KLK10: variants seen among roughly 807,000 people sequenced by gnomAD.
The protein encoded by KLK10 is kallikrein-10.
Under a neutral mutation model 25.7 loss-of-function variants are expected in KLK10, and 27 were observed. That is an observed-to-expected ratio of 1.05 (90% CI 0.77 to 1.45). The LOEUF (loss-of-function observed/expected upper bound fraction) is 1.45. Among genes scored for constraint, KLK10 ranks in the 40% most tolerant of loss-of-function variants. KLK10 has a pLI of 0.00. For missense variants in KLK10, 386 were observed against 370.0 expected (o/e 1.04, Z -0.35); for synonymous variants, 173 against 160.1 (o/e 1.08, Z -0.61).
Position 51,016,036 on chromosome 19 carries a change from T to G in KLK10, c.390A>C (p.Pro130=). Residue 130 remains proline (P), a synonymous_variant, in exon 4 of 6, where the codon CCA becomes CCC. Transcript: ENST00000358789. ...TGAGATCGTGCTCATCCGTTCGCCT[T>G]GGCAGGATGGGGCCTGAGCCCTGGT... ...KYHQGSGPIL[P]RRTDEHDLML... is the part of the protein sequence containing the mutation. The G allele has an allele frequency of 6.4e-7, 1 of 1,566,958 alleles. No homozygotes were observed. Among genetic ancestry groups the G allele is most frequent in the African/African-American group, 1.4e-5 (1 of 73,830 alleles).
chr19:51,014,994 G>C, intron 5 of KLK10, 42 bp from the exon 6 acceptor site: 1 of 1,581,560 alleles, frequency 6.3e-7, no homozygotes, highest in South Asian at 1.1e-5. Context: ...ATGTGCCAAC[G>C]TGAGAGCTGT....
intron 2 of KLK10, 50 bp downstream of exon 2, chr19:51,018,993 G>T (rs779605540): frequency 2.9e-5 from 39 of 1,324,778 alleles, no homozygotes; most frequent in Non-Finnish European, 3.3e-5. Flanking sequence ...TTCTCCTCCC[G>T]CCCGTGCCTC....
chr19:51,016,468 A>G (rs926346769), intron 3 of KLK10, among the ~76,000 whole-genome samples: 3 of 151,318 alleles, frequency 2.0e-5, no homozygotes, highest in Admixed American at 6.6e-5. Flanking sequence ...ATCTCGGCTC[A>G]CTGCAACCTC....
chr19:51,014,601 C>T lies in KLK10; in HGVS notation c.*199G>A. On this transcript the variant is annotated 3_prime_UTR_variant, in exon 6 of 6. Transcript: ENST00000358789. ...CACTTCCTGCATTTCAGCTTCAGTA[C>T]AGGCAGAGAATGGGGATAGGTGGGG... The T allele has an allele frequency of 2.0e-6, 1 of 498,410 alleles. No homozygotes were observed. The highest frequency in any genetic ancestry group is 3.6e-6 in the Non-Finnish European group (1 of 280,848). 30.9% of individuals were successfully genotyped at this position (498,410 alleles called of 1,614,324 possible).
At chr19:51,015,768 C>G (rs2091318082) in intron 4 of KLK10, 114 bp downstream of exon 4, 2 of 1,209,452 alleles carry the variant, frequency 1.7e-6, no homozygotes, top group Non-Finnish European at 2.2e-6. Context: ...GACCCCAGCC[C>G]GTCCTCCCTC....
chr19:51,016,433 A>G (rs1600139428), intron 3 of KLK10, among the ~76,000 whole-genome samples: 1 of 151,738 alleles, frequency 6.6e-6, no homozygotes, highest in South Asian at 2.1e-4. Flanking sequence ...CGCTCTTGTC[A>G]CCCAGGCTAG....
In KLK10 at chr19:51,012,982, C is replaced by T. The variant is rs2091284071; in HGVS notation, c.*1818G>A. On this transcript the variant is annotated 3_prime_UTR_variant, in exon 6 of 6. Coordinates refer to ENST00000358789, the MANE Select transcript of KLK10 (RefSeq NM_145888.3). ...GGTCTGATTCATCTTTGAGGCCTGGCATAAGACGTGGCTCGATAAACATTG... is the reference window on the plus strand; with the variant it reads ...GGTCTGATTCATCTTTGAGGCCTGGTATAAGACGTGGCTCGATAAACATTG... 1 of 152,150 alleles carries T rather than the reference C, an allele frequency of 6.6e-6. No homozygotes were observed. 9.4% of individuals were successfully genotyped at this position (152,150 alleles called of 1,614,324 possible).
intron 3 of KLK10, among the ~76,000 whole-genome samples, chr19:51,016,854 C>T (rs1432124124): frequency 6.6e-6 from 1 of 152,126 alleles, no homozygotes; most frequent in Non-Finnish European, 1.5e-5. Flanking sequence ...TGGCTTCTAT[C>T]CGTTGCAGGC....
chr19:51,014,708 G>A lies in KLK10; in HGVS notation c.*92C>T, dbSNP rs2091299486. On this transcript the variant is annotated 3_prime_UTR_variant, in exon 6 of 6. Coordinates refer to ENST00000358789, the MANE Select transcript of KLK10 (RefSeq NM_145888.3). ...GTGCAGACAAGGGGAGAGTTCAGCC[G>A]ACTGGGGAGGAAGAGGATGGACGAT... 6.6e-6 allele frequency: 9 copies of A among 1,373,930 alleles called. No homozygotes were observed. Among genetic ancestry groups the A allele is most frequent in the Non-Finnish European group, 9.2e-6 (9 of 979,450 alleles). The allele number at this position is 1,373,930 out of a possible 1,614,324, so 85.1% of individuals were successfully genotyped here.
Position 51,013,407 on chromosome 19 carries a change from TAA to T in KLK10, c.*1391_*1392del, listed in dbSNP as rs1412647603. Reference sequence around the variant, plus strand: ...TATGTTACTGCTTCAAAGTTCAGGATAAGCTGAGACACTCAAACTTCTTCTTT... The same window carrying T: ...TATGTTACTGCTTCAAAGTTCAGGATGCTGAGACACTCAAACTTCTTCTTT... On this transcript the variant is annotated 3_prime_UTR_variant, in exon 6 of 6. Coordinates refer to ENST00000358789, the MANE Select transcript of KLK10 (RefSeq NM_145888.3). 1.3e-5 allele frequency: 2 copies of T among 152,238 alleles called. No homozygotes were observed. The highest frequency in any genetic ancestry group is 2.9e-5 in the Non-Finnish European group (2 of 68,044). The allele number at this position is 152,238 out of a possible 1,614,324, so 9.4% of individuals were successfully genotyped here.
At position 51,017,193 on chromosome 19, in the gene KLK10, C is replaced by A. The variant is rs1225989373; in HGVS notation, c.186G>T (p.Ser62=). Residue 62 remains serine, a synonymous_variant, in exon 3 of 6, where the codon TCG becomes TCT. Coordinates refer to ENST00000358789, the MANE Select transcript of KLK10 (RefSeq NM_145888.3). ...AGTGGAACGAGAGGCCGTTGAAGAG[C>A]GAGACCTGCCAGGGCTGCGAGCCGC... ...CARGSQPWQV[S]LFNGLSFHCA... 4 of 1,612,138 alleles carry A rather than the reference C, an allele frequency of 2.5e-6. No individual in the cohort carries two copies. The highest frequency in any genetic ancestry group is 3.4e-6 in the Non-Finnish European group (4 of 1,179,644).
intron 5 of KLK10, 26 bp from the exon 6 acceptor site, chr19:51,014,978 A>G (rs2091304450): frequency 6.2e-7 from 1 of 1,605,704 alleles, no homozygotes; most frequent in South Asian, 1.1e-5. Context: ...AGGAGAGATC[A>G]AATAAATGTG....
chr19:51,014,814 T>A lies in KLK10; in HGVS notation c.817A>T (p.Ile273Leu). ...TAGCATCTGGATCAGTTGGAGCGTA[T>A]GACTTTATTGATCCAGGACATGTAT... ...CKYMSWINKV[I>L]RSN Residue 273 changes from isoleucine (I) to leucine (L), a missense_variant, in exon 6 of 6, where the codon ATA becomes TTA. Physicochemically the swap from Ile to Leu is conservative, Grantham distance 5. Coordinates refer to ENST00000358789, the MANE Select transcript of KLK10 (RefSeq NM_145888.3). 6.2e-7 allele frequency: 1 copy of A among 1,614,032 alleles called. No homozygotes were observed. Among genetic ancestry groups the A allele is most frequent in the Non-Finnish European group, 8.5e-7 (1 of 1,179,954 alleles).
Position 51,016,458 on chromosome 19 carries a change from A to G in KLK10, c.270-302T>C, listed in dbSNP as rs1009254299. 5.9e-5 allele frequency among the ~76,000 whole-genome samples: 9 copies of G among 151,936 alleles called. No homozygotes were observed. In the East Asian group the frequency reaches 1.7e-3, roughly 29 times the overall value. ...ACCCAGGCTAGAATGCAATGGCGCA[A>G]TCTCGGCTCACTGCAACCTCCACCT... On this transcript the variant is annotated intron_variant, in intron 3 of 5. Coordinates refer to ENST00000358789, the MANE Select transcript of KLK10 (RefSeq NM_145888.3).
Position 51,019,495 on chromosome 19 carries a change from A to C in KLK10, c.-10+132T>G. 3 of 191,280 alleles carry C rather than the reference A, an allele frequency of 1.6e-5. No individual in the cohort carries two copies. Among genetic ancestry groups the C allele is most frequent in the Non-Finnish European group, 3.2e-5 (3 of 93,832 alleles). The allele number at this position is 191,280 out of a possible 1,614,324, so 11.8% of individuals were successfully genotyped here. On this transcript the variant is annotated intron_variant, in intron 1 of 5. Transcript: ENST00000358789. This position sits in a 1 kb window ranked among gnomAD's most constrained non-coding sequence, Gnocchi z 4.2. Reference sequence around the variant, plus strand: ...CAGTGGGAGCCTCTTTCTCAACCTCACAGCGGGGGGACTTCCGCGTCCCGC... The same window carrying C: ...CAGTGGGAGCCTCTTTCTCAACCTCCCAGCGGGGGGACTTCCGCGTCCCGC...
chr19:51,014,955 G>A lies in KLK10; in HGVS notation c.679-3C>T. 1.2e-6 allele frequency: 2 copies of A among 1,612,146 alleles called. No homozygotes were observed. The highest frequency in any genetic ancestry group is 1.7e-6 in the Non-Finnish European group (2 of 1,179,346). On this transcript the variant is annotated splice_region_variant and splice_polypyrimidine_tract_variant and intron_variant, in intron 5 of 5. Transcript: ENST00000358789. ...ACCAGGGGGCCTCCAGAGTCACTCT[G>A]GGGGTGGCAGGAAGGAGAGATCAAA...
intron 2 of KLK10, among the ~76,000 whole-genome samples, chr19:51,017,668 T>G (rs10424744): frequency 0.32 from 47,243 of 148,106 alleles, 7,691 homozygotes; most frequent in African/African-American, 0.4. Flanking sequence ...GGAAGGGGTG[T>G]GAATAACAAA....
At chr19:51,015,072 G>A in intron 5 of KLK10, 120 bp from the exon 6 acceptor site, 1 of 879,018 alleles carries the variant, frequency 1.1e-6, no homozygotes, top group South Asian at 1.6e-5. Flanking sequence ...AGGATGGGAT[G>A]GGGTTGGAAT....
chr19:51,013,667 T>G lies in KLK10; in HGVS notation c.*1133A>C, dbSNP rs1429490795. On this transcript the variant is annotated 3_prime_UTR_variant, in exon 6 of 6. Coordinates refer to ENST00000358789, the MANE Select transcript of KLK10 (RefSeq NM_145888.3). ...CTCGAACACCTGACCTCAGATGATC[T>G]GCTTTCCTCGGCCTCCCAAAGTGCT... 1 of 153,720 alleles carries G rather than the reference T, an allele frequency of 6.5e-6. No homozygotes were observed. The highest frequency in any genetic ancestry group is 2.4e-5 in the African/African-American group (1 of 41,446). The allele number at this position is 153,720 out of a possible 1,614,324, so 9.5% of individuals were successfully genotyped here.
Sources: allele counts gnomAD v4.1 joint callset (sites outside exome capture counted in the v4.1 genomes callset), GRCh38; gene constraint gnomAD v4.1.1; non-coding constraint Gnocchi (gnomAD v3.1); transcripts MANE v1.5; gene names NCBI Gene and HGNC (gene_info 2026-07-23, HGNC 2026-07-21).